Variants in XKR9 observed in about 807,000 individuals in gnomAD.
XKR9 encodes the protein XK related 9, also known as XK-related protein 9.
Under a neutral mutation model 32.0 loss-of-function variants are expected in XKR9, and 32 were observed. That is an observed-to-expected ratio of 1.00 (90% confidence interval 0.76 to 1.34). The LOEUF is 1.34. Among genes scored for constraint, XKR9 ranks in the 40% most tolerant of loss-of-function variants. XKR9 has a pLI of 0.00. For missense variants in XKR9, 546 were observed against 429.7 expected, an observed-to-expected ratio of 1.27 and a Z score of -2.39; for synonymous variants, 168 against 143.4, an observed-to-expected ratio of 1.17 and a Z score of -1.22.
At chr8:71,037,723 G>C in the XKR9 span, among the ~76,000 whole-genome samples, 26 of 152,166 alleles carry the variant, frequency 1.7e-4, no homozygotes, top group African/African-American at 6.0e-4. Context: ...TTTTGAGGTG[G>C]AACATAAGGT....
At chr8:70,877,305 G>A in the XKR9 span, among the ~76,000 whole-genome samples, 1 of 152,048 alleles carries the variant, frequency 6.6e-6, no homozygotes, top group Non-Finnish European at 1.5e-5. Flanking sequence ...ATTTGGGTGG[G>A]GACACAGCCA....
At chr8:70,700,992 G>C (rs184803699) in intron 3 of XKR9, among the ~76,000 whole-genome samples, 1 of 152,232 alleles carries the variant, frequency 6.6e-6, no homozygotes, top group East Asian at 1.9e-4. Flanking sequence ...CTCCGAGCCA[G>C]GTGTGGGATA....
chr8:70,671,490 G>C (rs544686805), intron 1 of XKR9, among the ~76,000 whole-genome samples: 2 of 78,412 alleles, frequency 2.6e-5, no homozygotes, highest in East Asian at 2.4e-4. Context: ...CCCCTTCCCC[G>C]ACCCCACCAC....
the XKR9 span, among the ~76,000 whole-genome samples, chr8:70,891,409 T>G: frequency 4.6e-5 from 7 of 152,172 alleles, no homozygotes; most frequent in East Asian, 1.3e-3. Flanking sequence ...ATTTCTACTT[T>G]TTTGATGTAG....
chr8:70,936,717 C>T, the XKR9 span, among the ~76,000 whole-genome samples: 3 of 151,946 alleles, frequency 2.0e-5, no homozygotes, highest in South Asian at 2.1e-4. Context: ...GACTCCTACC[C>T]GACTGAGGGA....
At chr8:70,769,149 G>C (rs1364226578) in intron 2 of XKR9, among the ~76,000 whole-genome samples, 1 of 151,612 alleles carries the variant, frequency 6.6e-6, no homozygotes, top group African/African-American at 2.4e-5. Flanking sequence ...CTTAGCATTT[G>C]CTTGACTGTA....
the XKR9 span, among the ~76,000 whole-genome samples, chr8:70,890,125 T>A: frequency 2.0e-5 from 3 of 152,034 alleles, no homozygotes; most frequent in Non-Finnish European, 4.4e-5. Flanking sequence ...CTGAGTGATG[T>A]GAGATGGTCT....
At chr8:70,893,642 G>A in the XKR9 span, among the ~76,000 whole-genome samples, 2 of 152,186 alleles carry the variant, frequency 1.3e-5, no homozygotes, top group Non-Finnish European at 2.9e-5. Context: ...GGGTCCCTTA[G>A]TGGTCTAGGC....
intron 3 of XKR9, among the ~76,000 whole-genome samples, chr8:70,699,377 G>A (rs1323754887): frequency 4.6e-5 from 7 of 152,000 alleles, no homozygotes; most frequent in Non-Finnish European, 1.0e-4. Context: ...GGGCAGGCCT[G>A]GTGGTGACAA....
chr8:70,685,159 G>T (rs1256929875), intron 3 of XKR9, among the ~76,000 whole-genome samples: 1 of 151,674 alleles, frequency 6.6e-6, no homozygotes, highest in Non-Finnish European at 1.5e-5. Context: ...GGAATACTAC[G>T]CAGCCATAAA....
intron 4 of XKR9, among the ~76,000 whole-genome samples, chr8:70,723,887 CTT>C (rs4008977): frequency 2.1e-5 from 3 of 139,742 alleles, no homozygotes; most frequent in African/African-American, 2.7e-5. Flanking sequence ...TAGGTGGGAA[CTT>C]TTTTTTTTTT....
At chr8:71,063,461 G>A in the XKR9 span, among the ~76,000 whole-genome samples, 1 of 151,970 alleles carries the variant, frequency 6.6e-6, no homozygotes, top group South Asian at 2.1e-4. Context: ...TGTGGGTTGA[G>A]AAGTGTGGGG....
At chr8:70,802,124 C>T in the XKR9 span, among the ~76,000 whole-genome samples, 36 of 151,688 alleles carry the variant, frequency 2.4e-4, no homozygotes, top group African/African-American at 8.5e-4. Context: ...TTTTAGTAGA[C>T]ACGGGGTTTC....
chr8:70,957,178 A>AT, the XKR9 span, among the ~76,000 whole-genome samples: 6 of 152,216 alleles, frequency 3.9e-5, no homozygotes, highest in African/African-American at 1.4e-4. Flanking sequence ...TTTTATTTTA[A>AT]TTTTTTTAGG....
In XKR9 at chr8:70,734,104, G is replaced by A. The variant is rs768764665; in HGVS notation, c.802G>A (p.Gly268Arg). The change falls in exon 5 of 5, where the codon GGA (glycine) becomes AGA (arginine). Residue 268 changes from glycine to arginine, a missense_variant. Physicochemically the swap from Gly to Arg is moderately radical, Grantham distance 125. Transcript: ENST00000408926. The stretch of plus-strand genomic sequence containing the variant: ...GGAATTCTTATATAGGATTGTTGTT[G>A]GATTCATTCTTATCTTTACATTTTT... ...SMEFLYRIVVGFILIFTFFNI... is the reference protein window; with the variant it reads ...SMEFLYRIVVRFILIFTFFNI... The A allele has an allele frequency of 1.2e-6, 2 of 1,612,418 alleles. No individual in the cohort carries two copies. The highest frequency in any genetic ancestry group is 1.1e-5 in the South Asian group (1 of 90,950).
chr8:70,938,584 T>C, the XKR9 span, among the ~76,000 whole-genome samples: 1 of 152,066 alleles, frequency 6.6e-6, no homozygotes, highest in African/African-American at 2.4e-5. Flanking sequence ...GCACAGGGAA[T>C]ATGACCATTG....
chr8:70,938,562 GAATCA>G, the XKR9 span, among the ~76,000 whole-genome samples: 1 of 151,990 alleles, frequency 6.6e-6, no homozygotes, highest in Admixed American at 6.6e-5. Context: ...TCATTGTCCA[GAATCA>G]AATTAAGCAC....
At chr8:70,880,627 C>T in the XKR9 span, among the ~76,000 whole-genome samples, 4 of 152,188 alleles carry the variant, frequency 2.6e-5, no homozygotes, top group African/African-American at 9.6e-5. Context: ...AAAGAGGACA[C>T]AAACAAATGG....
intron 2 of XKR9, among the ~76,000 whole-genome samples, chr8:70,754,797 A>G (rs1272451868): frequency 6.6e-6 from 1 of 151,948 alleles, no homozygotes; most frequent in African/African-American, 2.4e-5. Context: ...TTAGACCTAA[A>G]ACCATAAAAA....
Sources: allele counts gnomAD v4.1 joint callset (sites outside exome capture counted in the v4.1 genomes callset), GRCh38; gene constraint gnomAD v4.1.1; transcripts MANE v1.5; gene names NCBI Gene and HGNC (gene_info 2026-07-23, HGNC 2026-07-21).